CENPP: variants seen among roughly 807,000 people sequenced by gnomAD.
The protein encoded by CENPP is centromere protein P.
In CENPP, 24 loss-of-function variants were observed where a neutral mutation model predicts 35.6. The observed-to-expected ratio is 0.67, with a 90% CI of 0.49 to 0.95. The LOEUF (loss-of-function observed/expected upper bound fraction) is 0.95, where lower values mean the gene tolerates loss of function less well. CENPP is among the 40% of genes least tolerant of loss of function. CENPP has a pLI of 0.00. For synonymous variants in CENPP, 120 were observed against 125.5 expected, an observed-to-expected ratio of 0.96 and a Z score of 0.29; for missense variants, 332 against 345.3, an observed-to-expected ratio of 0.96 and a Z score of 0.31.
intron 1 of CENPP, 107 bp from the exon 2 acceptor site, chr9:92,332,063 G>T: frequency 3.8e-6 from 2 of 532,796 alleles, no homozygotes; most frequent in Non-Finnish European, 3.1e-6. Context: ...TGACTTAATT[G>T]GAAGAGAGTA....
chr9:92,402,912 A>T (rs1465863211), intron 5 of CENPP, among the ~76,000 whole-genome samples: 9 of 152,176 alleles, frequency 5.9e-5, no homozygotes, highest in African/African-American at 1.9e-4. Context: ...GCAACACAAC[A>T]TTGCAAGTAT....
intron 5 of CENPP, among the ~76,000 whole-genome samples, chr9:92,525,974 GT>G (rs1848383597): frequency 2.0e-5 from 3 of 150,460 alleles, no homozygotes; most frequent in Admixed American, 2.0e-4. Context: ...TATATTACTG[GT>G]TTATGTATTT....
intron 5 of CENPP, chr9:92,415,509 A>C: frequency 7.8e-7 from 1 of 1,289,668 alleles, no homozygotes; most frequent in South Asian, 1.5e-5. Context: ...TTAATCTTGT[A>C]TTATAGTATA....
intron 5 of CENPP, among the ~76,000 whole-genome samples, chr9:92,526,026 TTCTA>T: frequency 6.6e-6 from 1 of 152,284 alleles, no homozygotes; most frequent in South Asian, 2.1e-4. Flanking sequence ...AGTACATGCC[TTCTA>T]TCTATTTAAA....
chr9:92,435,649 C>T (rs945656205), intron 5 of CENPP, among the ~76,000 whole-genome samples: 1 of 152,106 alleles, frequency 6.6e-6, no homozygotes, highest in African/African-American at 2.4e-5. Context: ...AGGAATGTTA[C>T]AGAAATGGAA....
At chr9:92,494,495 A>T (rs1846262488) in intron 5 of CENPP, among the ~76,000 whole-genome samples, 1 of 152,176 alleles carries the variant, frequency 6.6e-6, no homozygotes, top group African/African-American at 2.4e-5. Flanking sequence ...TTTTCTTCCT[A>T]ACAACCTGCT....
chr9:92,390,765 A>G (rs1361852043), intron 5 of CENPP, among the ~76,000 whole-genome samples: 2 of 152,226 alleles, frequency 1.3e-5, no homozygotes, highest in Non-Finnish European at 2.9e-5. Flanking sequence ...CTGGCCACAC[A>G]TTTCCATCAA....
At chr9:92,575,776 C>T (rs1325479834) in intron 5 of CENPP, among the ~76,000 whole-genome samples, 1 of 151,846 alleles carries the variant, frequency 6.6e-6, no homozygotes, top group Non-Finnish European at 1.5e-5. Flanking sequence ...TGCACCACTG[C>T]TCTCCAGCCT....
chr9:92,335,476 A>G (rs1840896776), intron 2 of CENPP, among the ~76,000 whole-genome samples: 1 of 151,602 alleles, frequency 6.6e-6, no homozygotes, highest in African/African-American at 2.4e-5. Context: ...GGTCATCTAG[A>G]TTTTCTCCTA....
At chr9:92,416,639 A>T in intron 5 of CENPP, 1 of 1,562,134 alleles carries the variant, frequency 6.4e-7, no homozygotes, top group Non-Finnish European at 8.7e-7. Flanking sequence ...ATTATTTTGT[A>T]GGTATAGGTG....
chr9:92,607,564 TA>T (rs1461343073), intron 5 of CENPP, among the ~76,000 whole-genome samples: 7 of 152,236 alleles, frequency 4.6e-5, no homozygotes, highest in Non-Finnish European at 8.8e-5. Context: ...ATGTCTCATA[TA>T]ATTTATATGA....
intron 5 of CENPP, among the ~76,000 whole-genome samples, chr9:92,405,674 C>A (rs1162165469): frequency 6.6e-6 from 1 of 151,970 alleles, no homozygotes; most frequent in Admixed American, 6.6e-5. Flanking sequence ...GGCAAGTTAA[C>A]AAGATATTGA....
At chr9:92,602,217 A>AGT (rs1455200969) in intron 5 of CENPP, among the ~76,000 whole-genome samples, 2 of 152,230 alleles carry the variant, frequency 1.3e-5, no homozygotes, top group Admixed American at 1.3e-4. Flanking sequence ...GGAATAAACA[A>AGT]GTGACTGAGT....
chr9:92,589,705 G>A (rs1325919471), intron 5 of CENPP, among the ~76,000 whole-genome samples: 1 of 152,094 alleles, frequency 6.6e-6, no homozygotes, highest in Admixed American at 6.5e-5. Flanking sequence ...ATTCTCTTAT[G>A]CGTTTACGAA....
chr9:92,550,580 G>A (rs1336931718), intron 5 of CENPP, among the ~76,000 whole-genome samples: 2 of 150,752 alleles, frequency 1.3e-5, no homozygotes, highest in Non-Finnish European at 2.9e-5. Flanking sequence ...TTGATTTCCT[G>A]TCCTGCTGTA....
intron 5 of CENPP, among the ~76,000 whole-genome samples, chr9:92,587,167 CAG>C (rs1232344210): frequency 6.6e-6 from 1 of 152,016 alleles, no homozygotes; most frequent in Non-Finnish European, 1.5e-5. Flanking sequence ...AATAAGGAGA[CAG>C]AAATTATAAA....
chr9:92,567,395 T>TATATAG (rs201711365), intron 5 of CENPP, among the ~76,000 whole-genome samples: 1 of 106,778 alleles, frequency 9.4e-6, no homozygotes, highest in Non-Finnish European at 1.8e-5. Flanking sequence ...TATATATATA[T>TATATAG]AGATATATAT....
intron 5 of CENPP, among the ~76,000 whole-genome samples, chr9:92,413,773 T>C (rs1843509403): frequency 6.6e-6 from 1 of 152,222 alleles, no homozygotes; most frequent in Admixed American, 6.5e-5. Context: ...GAATGGAGTT[T>C]TCTTCATATT....
At chr9:92,546,709 A>C (rs899806782) in intron 5 of CENPP, among the ~76,000 whole-genome samples, 1 of 152,228 alleles carries the variant, frequency 6.6e-6, no homozygotes, top group Non-Finnish European at 1.5e-5. Context: ...AGTCAGTGAG[A>C]CCAAGAACCC....
Sources: gnomAD v4.1 joint callset for allele counts (sites outside exome capture counted in the v4.1 genomes callset) on GRCh38, gnomAD v4.1.1 for gene constraint, MANE v1.5 for transcripts, NCBI Gene and HGNC (gene_info 2026-07-23, HGNC 2026-07-21) for gene names.